The following CPSF4L variants were observed in gnomAD, a reference collection of about 807,000 sequenced individuals.
CPSF4L encodes the protein putative cleavage and polyadenylation specificity factor subunit 4-like protein.
CPSF4L carries 18 observed loss-of-function variants against 24.0 expected under a neutral mutation model. That is an observed-to-expected ratio of 0.75 (90% confidence interval 0.52 to 1.11). The LOEUF (loss-of-function observed/expected upper bound fraction) is 1.11, where lower values mean the gene tolerates loss of function less well. Among genes scored for constraint, CPSF4L ranks in the 50% least tolerant of loss-of-function variants. CPSF4L has a pLI of 0.00. For missense variants in CPSF4L, 211 were observed against 221.8 expected (o/e 0.95, Z 0.31); for synonymous variants, 72 against 77.2 (o/e 0.93, Z 0.35).
downstream of CPSF4L, among the ~76,000 whole-genome samples, chr17:73,246,202 T>C (rs1237100013): frequency 6.6e-6 from 1 of 152,198 alleles, no homozygotes; most frequent in Non-Finnish European, 1.5e-5. Context: ...CATGCCAAAA[T>C]ACATGAGGTC....
At chr17:73,251,102 C>A in intron 5 of CPSF4L, 1 of 1,542,794 alleles carries the variant, frequency 6.5e-7, no homozygotes, top group Non-Finnish European at 8.7e-7. Flanking sequence ...GGCTGGCAAG[C>A]TACAGCTGAA....
intron 2 of CPSF4L, among the ~76,000 whole-genome samples, chr17:73,258,778 G>C (rs1204019459): frequency 1.3e-5 from 2 of 152,204 alleles, no homozygotes. Context: ...AGCGGGGCCA[G>C]GCTTTCCAGC....
chr17:73,251,086 G>C (rs1243520929), intron 5 of CPSF4L: 10 of 1,545,986 alleles, frequency 6.5e-6, no homozygotes, highest in Non-Finnish European at 5.2e-6. Context: ...GCTGAATCCC[G>C]GGGCCGGCTG....
At position 73,257,824 on chromosome 17, in the gene CPSF4L, C is replaced by T. The variant is rs1315046490; in HGVS notation, c.164G>A (p.Cys55Tyr). ...CTCCCCTCGGTCATGTCGGAAGGGG[C>T]AGAGTTTCCCTGGAGATGCCAGAGC... ...TKGLCEKGKLCPFRHDRGEKM... is the reference protein window; with the variant it reads ...TKGLCEKGKLYPFRHDRGEKM... The change falls in exon 3 of 6, where the codon TGC becomes TAC. Residue 55 changes from cysteine (C) to tyrosine (Y), a missense_variant. Physicochemically the swap from Cys to Tyr is radical, Grantham distance 194. Transcript: ENST00000344935. 9 of 1,551,282 alleles carry T rather than the reference C, an allele frequency of 5.8e-6. No individual in the cohort carries two copies. The highest frequency in any genetic ancestry group is 7.8e-6 in the Non-Finnish European group (9 of 1,146,886).
chr17:73,261,627 C>G (rs1568333492), intron 1 of CPSF4L, 89 bp downstream of exon 1: 2 of 917,456 alleles, frequency 2.2e-6, no homozygotes, highest in Non-Finnish European at 3.4e-6. Flanking sequence ...TGCCACTACA[C>G]TCCAGCCTGG....
At position 73,261,794 on chromosome 17, in the gene CPSF4L, C is replaced by G. The variant is rs373047380; in HGVS notation, c.25G>C (p.Glu9Gln). 7.1e-6 allele frequency: 11 copies of G among 1,551,688 alleles called. No individual in the cohort carries two copies. The highest frequency in any genetic ancestry group is 1.7e-4 in the Middle Eastern group (1 of 6,014). The part of the protein sequence containing the change: MQEVIAGL[E>Q]RFTFAFEKDV... ...TTCTCGAAGGCAAAGGTGAACCGCTCTAGCCCCGCAATGACCTCTTGCATC... is the reference window on the plus strand; with the variant it reads ...TTCTCGAAGGCAAAGGTGAACCGCTGTAGCCCCGCAATGACCTCTTGCATC... Residue 9 changes from glutamate (E) to glutamine (Q), a missense_variant, in exon 1 of 6, where the codon GAG (glutamate) becomes CAG (glutamine). By Grantham distance (29) the Glu-to-Gln change is conservative. Transcript: ENST00000344935.
chr17:73,250,494 CTG>C (rs1037096690), intron 5 of CPSF4L, among the ~76,000 whole-genome samples: 16 of 152,186 alleles, frequency 1.1e-4, no homozygotes, highest in African/African-American at 3.9e-4. Context: ...ATAAAAGCAA[CTG>C]TACAAGAAAA....
At chr17:73,243,315 C>T in the CPSF4L span, 21 of 361,262 alleles carry the variant, frequency 5.8e-5, no homozygotes, top group South Asian at 3.8e-4. Context: ...CCACCATGCC[C>T]GGCTAATTTT....
chr17:73,261,397 C>G (rs528534342), intron 1 of CPSF4L, among the ~76,000 whole-genome samples: 1 of 152,144 alleles, frequency 6.6e-6, no homozygotes, highest in African/African-American at 2.4e-5. Flanking sequence ...CGTGGTGGCT[C>G]ATGCCTGTAA....
intron 2 of CPSF4L, among the ~76,000 whole-genome samples, chr17:73,258,774 G>A (rs2062033480): frequency 6.6e-6 from 1 of 152,196 alleles, no homozygotes; most frequent in Non-Finnish European, 1.5e-5. Flanking sequence ...AGGGAGCGGG[G>A]CCAGGCTTTC....
chr17:73,248,862 AATC>A (rs564289047), intron 5 of CPSF4L: 121 of 281,404 alleles, frequency 4.3e-4, no homozygotes, highest in African/African-American at 2.3e-3. Flanking sequence ...TTAAAAATAA[AATC>A]ATTTTATTAT....
rs1599414103 is a variant in CPSF4L, at chr17:73,257,540, C to A, written c.307+141G>T. On this transcript the variant is annotated intron_variant, in intron 3 of 5. Transcript: ENST00000344935. ...TGTCTAGGGGTTTGGAGAACAGACACCTGAGACTCAGACAGGTCTCTCTGG... is the reference window on the plus strand; with the variant it reads ...TGTCTAGGGGTTTGGAGAACAGACAACTGAGACTCAGACAGGTCTCTCTGG... 1.2e-5 allele frequency: 10 copies of A among 814,448 alleles called. No homozygotes were observed. In the East Asian group the frequency reaches 2.7e-4, roughly 22 times the overall value. The allele number at this position is 814,448 out of a possible 1,614,324, so 50.5% of individuals were successfully genotyped here.
intron 3 of CPSF4L, among the ~76,000 whole-genome samples, chr17:73,256,592 G>A (rs983940701): frequency 7.2e-5 from 11 of 152,164 alleles, no homozygotes; most frequent in East Asian, 1.9e-4. Flanking sequence ...TAGATAATCC[G>A]TAAGGCTCCT....
In CPSF4L at chr17:73,254,013, G is replaced by T. The variant is rs969616327; in HGVS notation, c.321C>A (p.Asn107Lys). 1.9e-6 allele frequency: 3 copies of T among 1,551,404 alleles called. No homozygotes were observed. Among genetic ancestry groups the T allele is most frequent in the African/African-American group, 2.7e-5 (2 of 73,046 alleles). ...TCACATGGAGGAAGGAACACTCCTT[G>T]TTGCTGCAGTCACCTGAAAATCCCA... ...YFYSKFGDCS[N>K]KECSFLHVKP... The change falls in exon 4 of 6, where the codon AAC becomes AAA. Residue 107 changes from asparagine (N) to lysine (K), a missense_variant. By Grantham distance (94) the Asn-to-Lys change is moderately conservative. Coordinates refer to ENST00000344935, the MANE Select transcript of CPSF4L (RefSeq NM_001129885.1).
At position 73,248,484 on chromosome 17, in the gene CPSF4L, G is replaced by A. The variant is rs1363676665; in HGVS notation, c.*10C>T. ...GGCATTGGAGTGCCCCGCTAGGTAA[G>A]AAGCAACGCTTAGATCTTGCTTCCA... On this transcript the variant is annotated 3_prime_UTR_variant, in exon 6 of 6. Transcript: ENST00000344935. 1 of 1,551,634 alleles carries A rather than the reference G, an allele frequency of 6.4e-7. No homozygotes were observed.
At chr17:73,263,184 G>A (rs917066887), upstream of CPSF4L, among the ~76,000 whole-genome samples, 4 of 152,228 alleles carry the variant, frequency 2.6e-5, no homozygotes, top group African/African-American at 7.2e-5. Context: ...TGTCAACACA[G>A]GCTCATTAAA....
downstream of CPSF4L, chr17:73,245,717 C>T: frequency 2.0e-6 from 2 of 985,344 alleles, no homozygotes; most frequent in Non-Finnish European, 2.4e-6. Context: ...GATGGGCATT[C>T]GAGTTGCAGG....
At chr17:73,245,654 C>T (rs920315778), downstream of CPSF4L, 1 of 985,212 alleles carries the variant, frequency 1.0e-6, no homozygotes, top group Non-Finnish European at 1.2e-6. Flanking sequence ...CCCTTAGTTT[C>T]TTTGGGGCCC....
chr17:73,262,109 T>C, upstream of CPSF4L: 3 of 416,884 alleles, frequency 7.2e-6, no homozygotes, highest in East Asian at 1.2e-4. Flanking sequence ...CCCCACAAAC[T>C]GCTTATCTTT....
Sources: gnomAD v4.1 joint callset for allele counts (sites outside exome capture counted in the v4.1 genomes callset) on GRCh38, gnomAD v4.1.1 for gene constraint, MANE v1.5 for transcripts, NCBI Gene and HGNC (gene_info 2026-07-23, HGNC 2026-07-21) for gene names.